ST8SIA6: variants seen among roughly 807,000 people sequenced by gnomAD.
The protein encoded by ST8SIA6 is ST8 alpha-N-acetyl-neuraminide alpha-2,8-sialyltransferase 6.
ST8SIA6 carries 39 observed loss-of-function variants against 33.6 expected under a neutral mutation model. The ratio of observed to expected loss-of-function variants is 1.16; its 90% CI spans 0.90 to 1.52. ST8SIA6 has a LOEUF of 1.52. Among genes scored for constraint, ST8SIA6 ranks in the 40% most tolerant of loss-of-function variants. ST8SIA6 has a pLI of 0.00. For missense variants in ST8SIA6, 441 were observed against 443.8 expected (o/e 0.99, Z 0.06); for synonymous variants, 172 against 167.2 (o/e 1.03, Z -0.22).
At chr10:17,340,582 C>T (rs992296750) in intron 4 of ST8SIA6, among the ~76,000 whole-genome samples, 8 of 152,166 alleles carry the variant, frequency 5.3e-5, no homozygotes, top group Non-Finnish European at 8.8e-5. Flanking sequence ...GGTGTGCTCT[C>T]GCCATTGCTC....
At chr10:17,393,967 AT>A (rs1564442081) in intron 2 of ST8SIA6, among the ~76,000 whole-genome samples, 1 of 152,052 alleles carries the variant, frequency 6.6e-6, no homozygotes, top group Admixed American at 6.6e-5. Context: ...CTGTCCAAGG[AT>A]TTGTTTATTT....
At position 17,453,609 on chromosome 10, in the gene ST8SIA6, C is replaced by A; in HGVS notation, c.150G>T (p.Ala50=). The change falls in exon 2 of 8, where the codon GCG becomes GCT. Residue 50 remains alanine (A), a synonymous_variant. Transcript: ENST00000377602. ...SREATHGTPA[A]LRTLRSPATA... is the part of the protein sequence containing the mutation. Reference sequence around the variant, plus strand: ...TCGCCGGGCTCCGGAGCGTCCTCAGCGCTGCGGGGGTGCCGTGGGTGGCCT... The same window carrying A: ...TCGCCGGGCTCCGGAGCGTCCTCAGAGCTGCGGGGGTGCCGTGGGTGGCCT... The A allele has an allele frequency of 7.5e-7, 1 of 1,331,616 alleles. No individual in the cohort carries two copies. The highest frequency in any genetic ancestry group is 9.7e-7 in the Non-Finnish European group (1 of 1,033,368). The allele number at this position is 1,331,616 out of a possible 1,614,324, so 82.5% of individuals were successfully genotyped here. A position where few individuals can be genotyped will look rare whatever the true frequency, so the allele number is the denominator to read the frequency against.
At chr10:17,362,732 G>A (rs1357988968) in intron 3 of ST8SIA6, among the ~76,000 whole-genome samples, 1 of 152,100 alleles carries the variant, frequency 6.6e-6, no homozygotes, top group African/African-American at 2.4e-5. Context: ...TTTATTTAGA[G>A]ATGGAGTCTC....
intron 2 of ST8SIA6, among the ~76,000 whole-genome samples, chr10:17,391,015 C>T (rs1410603056): frequency 2.6e-5 from 4 of 151,676 alleles, no homozygotes; most frequent in Middle Eastern, 3.5e-3. Context: ...CCTGCCATCA[C>T]GCCCAGCTAA....
intron 2 of ST8SIA6, among the ~76,000 whole-genome samples, chr10:17,414,460 C>T (rs1469546968): frequency 6.6e-6 from 1 of 152,196 alleles, no homozygotes; most frequent in Non-Finnish European, 1.5e-5. Context: ...TCATACTGCT[C>T]CCACTGTATC....
chr10:17,344,721 C>T (rs1017135769), intron 4 of ST8SIA6, among the ~76,000 whole-genome samples: 13 of 152,142 alleles, frequency 8.5e-5, no homozygotes, highest in Non-Finnish European at 1.9e-4. Flanking sequence ...CAGCTATATT[C>T]ATAAGAAAGG....
intron 4 of ST8SIA6, among the ~76,000 whole-genome samples, chr10:17,336,204 G>A (rs937039384): frequency 6.6e-6 from 1 of 151,976 alleles, no homozygotes; most frequent in African/African-American, 2.4e-5. Flanking sequence ...TGATTTGCCC[G>A]CCTCAGCCTC....
intron 4 of ST8SIA6, among the ~76,000 whole-genome samples, chr10:17,339,155 CTTTT>C (rs1182590229): frequency 1.4e-5 from 2 of 147,588 alleles, no homozygotes; most frequent in Non-Finnish European, 3.0e-5. Flanking sequence ...TTTTCTGTTT[CTTTT>C]GTTTGTTTGT....
At chr10:17,358,384 C>T (rs1447498568) in intron 4 of ST8SIA6, among the ~76,000 whole-genome samples, 1 of 152,180 alleles carries the variant, frequency 6.6e-6, no homozygotes, top group Non-Finnish European at 1.5e-5. Context: ...AACCATACTG[C>T]AGATATTTCT....
intron 2 of ST8SIA6, among the ~76,000 whole-genome samples, chr10:17,434,500 G>T (rs926701237): frequency 6.6e-6 from 1 of 152,198 alleles, no homozygotes; most frequent in African/African-American, 2.4e-5. Flanking sequence ...TCAGTACTGT[G>T]CTGAGAAGAA....
At chr10:17,327,219 T>G (rs933192718) in intron 5 of ST8SIA6, 93 bp from the exon 6 acceptor site, 2 of 894,746 alleles carry the variant, frequency 2.2e-6, no homozygotes, top group African/African-American at 1.8e-5. Flanking sequence ...TCTTTATACA[T>G]GCTAAGGAGA....
intron 2 of ST8SIA6, among the ~76,000 whole-genome samples, chr10:17,433,670 G>C (rs1433332100): frequency 6.6e-6 from 1 of 152,104 alleles, no homozygotes; most frequent in Non-Finnish European, 1.5e-5. Flanking sequence ...TTAATAACTG[G>C]TATGGCCATC....
In ST8SIA6 at chr10:17,320,808, T is replaced by C. The variant is rs762676886; in HGVS notation, c.*70A>G. 6.6e-7 allele frequency: 1 copy of C among 1,511,404 alleles called. No individual in the cohort carries two copies. Among genetic ancestry groups the C allele is most frequent in the Non-Finnish European group, 9.1e-7 (1 of 1,103,874 alleles). The allele number at this position is 1,511,404 out of a possible 1,614,324, so 93.6% of individuals were successfully genotyped here. ...CAAAATACTCTTTAGCCACCTCCTT[T>C]GGTGTTTGGAGACATTGTTAATCAC... On this transcript the variant is annotated 3_prime_UTR_variant, in exon 8 of 8. Transcript: ENST00000377602.
At chr10:17,345,944 C>T (rs563998761) in intron 4 of ST8SIA6, among the ~76,000 whole-genome samples, 53 of 152,278 alleles carry the variant, frequency 3.5e-4, no homozygotes, top group Admixed American at 6.5e-4. Context: ...CCGCTTGAAT[C>T]GGGGCTGGCC....
chr10:17,324,014 A>G (rs1848047832), intron 6 of ST8SIA6, among the ~76,000 whole-genome samples: 1 of 152,174 alleles, frequency 6.6e-6, no homozygotes, highest in Non-Finnish European at 1.5e-5. Flanking sequence ...ATGTTCTTAT[A>G]GTGATGTTTT....
intron 4 of ST8SIA6, among the ~76,000 whole-genome samples, chr10:17,335,110 G>C (rs757743628): frequency 1.2e-4 from 18 of 152,302 alleles, no homozygotes; most frequent in South Asian, 4.1e-4. Context: ...GTCTTGCAGA[G>C]TTTACAGAAT....
At chr10:17,401,848 A>T (rs1185979012) in intron 2 of ST8SIA6, among the ~76,000 whole-genome samples, 4 of 152,300 alleles carry the variant, frequency 2.6e-5, no homozygotes, top group African/African-American at 9.6e-5. Flanking sequence ...AACCTAGGCA[A>T]TACCATTCAG....
intron 5 of ST8SIA6, among the ~76,000 whole-genome samples, chr10:17,330,218 G>C (rs1271632302): frequency 6.6e-6 from 1 of 152,172 alleles, no homozygotes; most frequent in Non-Finnish European, 1.5e-5. Flanking sequence ...CCTATATTAA[G>C]TTAATCCTTT....
rs114706204 is a variant in ST8SIA6, at chr10:17,330,076, A to T, written c.522+1332T>A. 1.8e-3 allele frequency among the ~76,000 whole-genome samples: 276 copies of T among 152,314 alleles called. 1 individual carries two copies. The highest frequency in any genetic ancestry group is 6.4e-3 in the African/African-American group (265 of 41,564). On this transcript the variant is annotated intron_variant, in intron 5 of 7. Coordinates refer to ENST00000377602, the MANE Select transcript of ST8SIA6 (RefSeq NM_001004470.3). ...TATGAAAGGAGAAGGCTGGAGCAAC[A>T]CAAAAATAGGGACCTGGCTCTGCAA...
Sources: allele counts gnomAD v4.1 joint callset (sites outside exome capture counted in the v4.1 genomes callset), GRCh38; gene constraint gnomAD v4.1.1; transcripts MANE v1.5; gene names NCBI Gene and HGNC (gene_info 2026-07-23, HGNC 2026-07-21).